CNTNAP2: variants seen among roughly 807,000 people sequenced by gnomAD.
CNTNAP2 encodes the protein contactin associated protein 2.
A neutral mutation model predicts 155.2 loss-of-function variants in CNTNAP2; 98 were observed. That is an observed-to-expected ratio of 0.63 (90% confidence interval 0.54 to 0.75). The LOEUF is 0.75. Ranked by LOEUF, CNTNAP2 falls within the 30% of genes least tolerant of loss-of-function variation. The pLI is 0.00. For missense variants in CNTNAP2, 1,727 were observed against 1,688.1 expected, an observed-to-expected ratio of 1.02 and a Z score of -0.40; for synonymous variants, 651 against 631.2, an observed-to-expected ratio of 1.03 and a Z score of -0.47.
intron 8 of CNTNAP2, among the ~76,000 whole-genome samples, chr7:147,282,622 A>G (rs997571073): frequency 2.0e-5 from 3 of 151,950 alleles, no homozygotes; most frequent in African/African-American, 7.2e-5. Context: ...TGGACTCTCT[A>G]CAGTTTAAAG....
chr7:146,134,537 G>A (rs933006959), intron 1 of CNTNAP2, among the ~76,000 whole-genome samples: 1 of 151,268 alleles, frequency 6.6e-6, no homozygotes, highest in Non-Finnish European at 1.5e-5. Context: ...GTATGATATT[G>A]GCTGTGGGTT....
chr7:147,693,504 C>G (rs1432532958), intron 13 of CNTNAP2, among the ~76,000 whole-genome samples: 1 of 151,896 alleles, frequency 6.6e-6, no homozygotes, highest in Admixed American at 6.6e-5. Context: ...TCTTTGATTT[C>G]TCTCATCAGA....
chr7:148,006,035 CAT>C (rs753561960), intron 15 of CNTNAP2, among the ~76,000 whole-genome samples: 13 of 152,166 alleles, frequency 8.5e-5, no homozygotes, highest in East Asian at 1.9e-4. Context: ...AAATCCTACA[CAT>C]AGTCGTGATC....
chr7:146,463,130 A>G (rs1796663602), intron 1 of CNTNAP2, among the ~76,000 whole-genome samples: 1 of 152,166 alleles, frequency 6.6e-6, no homozygotes, highest in South Asian at 2.1e-4. Flanking sequence ...ATAAAACTGG[A>G]AATAAAAACT....
rs1326262525 is a variant in CNTNAP2 at position 148,413,428 on chromosome 7, ATATATATATATATATATATT to A, written c.3797-1988_3797-1969del. On this transcript the variant is annotated intron_variant, in intron 23 of 23. Transcript: ENST00000361727. ...TATATATATATATATATATATATAT[ATATATATATATATATATATT>A]GCTCCATAGTTTTCTTGTAACATTT... 1.9e-5 allele frequency among the ~76,000 whole-genome samples: 2 copies of A among 103,352 alleles called. 1 individual carries two copies. The highest frequency in any genetic ancestry group is 7.7e-5 in the African/African-American group (2 of 26,110). The allele number at this position is 103,352 out of a possible 152,430, so 67.8% of individuals were successfully genotyped here.
intron 12 of CNTNAP2, among the ~76,000 whole-genome samples, chr7:147,577,673 T>G (rs1453142449): frequency 6.7e-6 from 1 of 149,802 alleles, no homozygotes; most frequent in Admixed American, 6.7e-5. Flanking sequence ...TCATAACAAG[T>G]TTTTTTTTTC....
chr7:147,593,232 C>A (rs1249411065), intron 12 of CNTNAP2, among the ~76,000 whole-genome samples: 1 of 145,212 alleles, frequency 6.9e-6, no homozygotes, highest in Non-Finnish European at 1.5e-5. Context: ...TTTTCATTTG[C>A]TGATTATCCC....
At chr7:147,849,001 A>G (rs1283955482) in intron 13 of CNTNAP2, among the ~76,000 whole-genome samples, 8 of 152,154 alleles carry the variant, frequency 5.3e-5, no homozygotes, top group African/African-American at 1.9e-4. Flanking sequence ...GGCTCCAGCT[A>G]CGTACTCTGA....
intron 18 of CNTNAP2, among the ~76,000 whole-genome samples, chr7:148,173,130 C>T (rs1019559185): frequency 2.6e-5 from 4 of 152,230 alleles, no homozygotes; most frequent in South Asian, 2.1e-4. Context: ...CAGTAGATTC[C>T]GCAGAGCCAA....
rs1240334944 is a variant in CNTNAP2 at position 146,646,760 on chromosome 7, T to C, written c.98-127511T>C. Among the ~76,000 whole-genome samples, 4 of 152,190 alleles carry C rather than the reference T, an allele frequency of 2.6e-5. No homozygotes were observed. In the South Asian group the frequency reaches 8.3e-4, roughly 32 times the overall value. On this transcript the variant is annotated intron_variant, in intron 1 of 23. Coordinates refer to ENST00000361727, the MANE Select transcript of CNTNAP2 (RefSeq NM_014141.6). ...GAGTCATCAGTTCTACAAAGATATT[T>C]AACCTGTTCATGATAATCACATGCA...
intron 4 of CNTNAP2, chr7:147,097,757 G>T (rs1800571132): frequency 6.6e-6 from 1 of 152,202 alleles, no homozygotes; most frequent in Non-Finnish European, 1.5e-5. Flanking sequence ...GATAGCTAAA[G>T]AAGTAACAAA....
intron 1 of CNTNAP2, among the ~76,000 whole-genome samples, chr7:146,613,851 T>G (rs1799180974): frequency 6.6e-6 from 1 of 152,150 alleles, no homozygotes; most frequent in Non-Finnish European, 1.5e-5. Flanking sequence ...TTCACAGTTT[T>G]CTGTTGAGTG....
In CNTNAP2 at chr7:147,121,037, G is replaced by A. The variant is rs1057522233; in HGVS notation, c.813G>A (p.Leu271=). ...CATCAGTGATGACAGGAAGTTTGCT[G>A]GATGACCACCACTGGCACTCTGTGG... is the stretch of plus-strand genomic sequence containing the variant. ...GHTSVMTGSL[L]DDHHWHSVVI... Residue 271 remains leucine (L), a synonymous_variant, in exon 6 of 24, where the codon CTG becomes CTA. Coordinates refer to ENST00000361727, the MANE Select transcript of CNTNAP2 (RefSeq NM_014141.6). 1.9e-6 allele frequency: 3 copies of A among 1,614,052 alleles called. No homozygotes were observed. The highest frequency in any genetic ancestry group is 2.5e-6 in the Non-Finnish European group (3 of 1,180,000).
rs3050025 is a variant in CNTNAP2 at position 146,254,129 on chromosome 7, GCACACACACACA to G, written c.97+137179_97+137190del. ...ATGTTCAGTGTATTCATTGCTACTT[GCACACACACACA>G]CACACACACACACACACACACAAGC... On this transcript the variant is annotated intron_variant, in intron 1 of 23. Transcript: ENST00000361727. Among the ~76,000 whole-genome samples the G allele has an allele frequency of 4.9e-3, 714 of 144,976 alleles. 2 individuals are homozygous for G. Among genetic ancestry groups the G allele is most frequent in the African/African-American group, 0.017 (648 of 38,454 alleles).
intron 3 of CNTNAP2, among the ~76,000 whole-genome samples, chr7:146,950,048 A>G (rs887181506): frequency 2.0e-5 from 3 of 152,176 alleles, no homozygotes; most frequent in African/African-American, 7.2e-5. Context: ...AACAAGAGAA[A>G]CAATAACAAC....
At chr7:146,773,370 G>A (rs780485934) in intron 1 of CNTNAP2, among the ~76,000 whole-genome samples, 5 of 152,128 alleles carry the variant, frequency 3.3e-5, no homozygotes, top group Non-Finnish European at 5.9e-5. Flanking sequence ...TGGTTATTCT[G>A]TCTTTACTTG....
intron 4 of CNTNAP2, chr7:147,083,237 A>C (rs1800175433): frequency 6.6e-6 from 1 of 152,100 alleles, no homozygotes; most frequent in Non-Finnish European, 1.5e-5. Context: ...GTCAACAGTA[A>C]CACCACCAAA....
At chr7:146,661,970 T>C (rs899797536) in intron 1 of CNTNAP2, among the ~76,000 whole-genome samples, 2 of 152,154 alleles carry the variant, frequency 1.3e-5, no homozygotes, top group Non-Finnish European at 2.9e-5. Context: ...CAATTGGTAT[T>C]GTCTCTTTTA....
intron 3 of CNTNAP2, among the ~76,000 whole-genome samples, chr7:146,898,343 G>C (rs1415664437): frequency 1.3e-5 from 2 of 151,974 alleles, no homozygotes; most frequent in Non-Finnish European, 2.9e-5. Context: ...CAAAAATATG[G>C]AGCAAAGACA....
Sources: allele counts gnomAD v4.1 joint callset (sites outside exome capture counted in the v4.1 genomes callset), GRCh38; gene constraint gnomAD v4.1.1; transcripts MANE v1.5; gene names NCBI Gene and HGNC (gene_info 2026-07-23, HGNC 2026-07-21).